VSTM4: variants seen among roughly 807,000 people sequenced by gnomAD.
VSTM4 encodes V-set and transmembrane domain containing 4.
Under a neutral mutation model 36.4 loss-of-function variants are expected in VSTM4, and 20 were observed. That is an observed-to-expected ratio of 0.55 (90% CI 0.39 to 0.80). VSTM4 has a LOEUF of 0.80. Ranked by LOEUF, VSTM4 falls within the 30% of genes least tolerant of loss-of-function variation. VSTM4 has a pLI of 0.00. For synonymous variants in VSTM4, 182 were observed against 173.9 expected (o/e 1.05, Z -0.37); for missense variants, 392 against 404.5 (o/e 0.97, Z 0.26).
chr10:49,064,826 G>C (rs1454552679), intron 4 of VSTM4, 90 bp from the exon 5 acceptor site: 12 of 1,426,350 alleles, frequency 8.4e-6, no homozygotes, highest in Non-Finnish European at 1.2e-5. Flanking sequence ...CGGGAGCCAG[G>C]TGTTGTTCAG....
chr10:49,038,228 A>G (rs1843463652), intron 7 of VSTM4, among the ~76,000 whole-genome samples: 1 of 152,250 alleles, frequency 6.6e-6, no homozygotes, highest in Non-Finnish European at 1.5e-5. Context: ...CAAGGGATAA[A>G]TGGATACAAA....
intron 5 of VSTM4, among the ~76,000 whole-genome samples, chr10:49,052,072 T>A (rs1843707052): frequency 6.6e-6 from 1 of 152,218 alleles, no homozygotes. Context: ...CTGCTAAAAA[T>A]GTATTTGTGC....
At chr10:49,062,212 A>AT (rs1220458073) in intron 5 of VSTM4, among the ~76,000 whole-genome samples, 1 of 152,192 alleles carries the variant, frequency 6.6e-6, no homozygotes, top group African/African-American at 2.4e-5. Context: ...CTCAAATGTG[A>AT]TTTTTAAAAC....
intron 1 of VSTM4, among the ~76,000 whole-genome samples, chr10:49,108,236 C>A (rs1171349940): frequency 2.0e-5 from 3 of 152,214 alleles, no homozygotes; most frequent in Non-Finnish European, 4.4e-5. Context: ...TAAACAATGA[C>A]CTCCTGACCC....
chr10:49,050,815 A>G (rs1162603129), intron 5 of VSTM4, among the ~76,000 whole-genome samples: 1 of 152,230 alleles, frequency 6.6e-6, no homozygotes, highest in Non-Finnish European at 1.5e-5. Flanking sequence ...CAAAGAAAAT[A>G]ACACTGTCAT....
At chr10:49,090,218 G>T (rs1380413564) in intron 2 of VSTM4, among the ~76,000 whole-genome samples, 3 of 152,226 alleles carry the variant, frequency 2.0e-5, no homozygotes, top group Admixed American at 6.5e-5. Flanking sequence ...CAATCAGAAG[G>T]CTGGAGCCTT....
At chr10:49,040,624 C>T (rs559625506) in intron 7 of VSTM4, among the ~76,000 whole-genome samples, 2 of 152,286 alleles carry the variant, frequency 1.3e-5, no homozygotes, top group East Asian at 3.9e-4. Context: ...TTTTTAAAAA[C>T]TTCTGACTAC....
intron 7 of VSTM4, among the ~76,000 whole-genome samples, chr10:49,043,858 C>A (rs1044395760): frequency 6.6e-6 from 1 of 152,204 alleles, no homozygotes; most frequent in Non-Finnish European, 1.5e-5. Context: ...TGGCTTTATG[C>A]TTTTAAATTG....
intron 7 of VSTM4, among the ~76,000 whole-genome samples, chr10:49,024,988 G>A (rs1590066128): frequency 6.6e-6 from 1 of 151,980 alleles, no homozygotes. Flanking sequence ...CCATTAGGGT[G>A]GGCTCTGATC....
intron 1 of VSTM4, among the ~76,000 whole-genome samples, chr10:49,112,242 C>T (rs1366776985): frequency 6.6e-6 from 1 of 152,222 alleles, no homozygotes; most frequent in Admixed American, 6.5e-5. Flanking sequence ...CCTGCTGCAG[C>T]AAATCCCAGT....
chr10:49,019,749 G>A lies in VSTM4; in HGVS notation c.864C>T (p.Thr288=). 6.2e-7 allele frequency: 1 copy of A among 1,612,974 alleles called. No homozygotes were observed. The part of the protein sequence containing the change: ...TLPKIAEENL[T]YAELELIKPH... ...GTTTGATCAGCTCCAGTTCGGCATA[G>A]GTTAAGTTTTCCTCAGCAATCTTTG... is the stretch of plus-strand genomic sequence containing the variant. Residue 288 remains threonine, a synonymous_variant, in exon 8 of 8, where the codon ACC becomes ACT. Coordinates refer to ENST00000332853, the MANE Select transcript of VSTM4 (RefSeq NM_001031746.5).
At chr10:49,080,446 C>A (rs1288593056) in intron 3 of VSTM4, among the ~76,000 whole-genome samples, 1 of 152,246 alleles carries the variant, frequency 6.6e-6, no homozygotes, top group Non-Finnish European at 1.5e-5. Context: ...ATGAGATCTT[C>A]CTGTGTTCTT....
intron 7 of VSTM4, among the ~76,000 whole-genome samples, chr10:49,045,752 A>G (rs1454480809): frequency 6.6e-6 from 1 of 152,180 alleles, no homozygotes; most frequent in Non-Finnish European, 1.5e-5. Context: ...CGTGATTGAG[A>G]TGAGCATCAC....
intron 3 of VSTM4, among the ~76,000 whole-genome samples, chr10:49,081,048 G>A (rs1177278246): frequency 6.6e-6 from 1 of 152,174 alleles, no homozygotes; most frequent in East Asian, 1.9e-4. Context: ...TTGGATTCTG[G>A]ACAAGACACT....
At chr10:49,108,873 A>G (rs1212872649) in intron 1 of VSTM4, among the ~76,000 whole-genome samples, 1 of 152,098 alleles carries the variant, frequency 6.6e-6, no homozygotes, top group African/African-American at 2.4e-5. Context: ...CCAGACCAGT[A>G]GACCTCAGAG....
At chr10:49,050,427 C>A (rs1046968277) in intron 5 of VSTM4, among the ~76,000 whole-genome samples, 6 of 152,094 alleles carry the variant, frequency 3.9e-5, no homozygotes, top group Non-Finnish European at 8.8e-5. Context: ...ATAGGCTATT[C>A]TAATAATAGT....
intron 4 of VSTM4, among the ~76,000 whole-genome samples, chr10:49,068,918 A>G (rs1420921428): frequency 6.6e-6 from 1 of 152,124 alleles, no homozygotes; most frequent in African/African-American, 2.4e-5. Context: ...GTGTTCTCAA[A>G]TGGTTATTTT....
chr10:49,113,812 G>A (rs183877772), intron 1 of VSTM4, among the ~76,000 whole-genome samples: 46 of 152,260 alleles, frequency 3.0e-4, no homozygotes, highest in Admixed American at 1.6e-3. Context: ...AGTCATGAAT[G>A]AGGCACTTAG....
chr10:49,054,874 G>C (rs1843752428), intron 5 of VSTM4, among the ~76,000 whole-genome samples: 1 of 152,154 alleles, frequency 6.6e-6, no homozygotes, highest in Non-Finnish European at 1.5e-5. Flanking sequence ...GCAGCGAACT[G>C]TGTGAGCCAA....
Sources: allele counts gnomAD v4.1 joint callset (sites outside exome capture counted in the v4.1 genomes callset), GRCh38; gene constraint gnomAD v4.1.1; transcripts MANE v1.5; gene names NCBI Gene and HGNC (gene_info 2026-07-23, HGNC 2026-07-21).